The following DLC1 variants were observed in gnomAD, a reference collection of about 807,000 sequenced individuals.
The protein encoded by DLC1 is rho GTPase-activating protein 7.
A neutral mutation model predicts 140.3 loss-of-function variants in DLC1; 54 were observed. The observed-to-expected ratio is 0.38, with a 90% confidence interval of 0.31 to 0.48. The LOEUF (loss-of-function observed/expected upper bound fraction) is 0.48, where lower values mean the gene tolerates loss of function less well. Among genes scored for constraint, DLC1 ranks in the 20% least tolerant of loss-of-function variants. The pLI, the probability that DLC1 is intolerant of heterozygous loss-of-function variation, is 0.96. For missense variants in DLC1, 2,536 were observed against 1,907.0 expected (o/e 1.33, Z -6.14); for synonymous variants, 986 against 728.1 (o/e 1.35, Z -5.70).
intron 1 of DLC1, among the ~76,000 whole-genome samples, chr8:13,546,728 G>C (rs1232895092): frequency 6.6e-6 from 1 of 152,110 alleles, no homozygotes; most frequent in Non-Finnish European, 1.5e-5. Flanking sequence ...CTTGCAACAA[G>C]CTCAATGTCT....
intron 5 of DLC1, among the ~76,000 whole-genome samples, chr8:13,121,901 T>A (rs1290854558): frequency 6.6e-6 from 1 of 152,154 alleles, no homozygotes; most frequent in African/African-American, 2.4e-5. Context: ...GGTATTCTGA[T>A]TCACTCAGTC....
chr8:13,426,501 C>G (rs1838588448), intron 2 of DLC1, among the ~76,000 whole-genome samples: 1 of 152,144 alleles, frequency 6.6e-6, no homozygotes, highest in Admixed American at 6.5e-5. Context: ...ACCCTTGACA[C>G]TCTAAATTCA....
At chr8:13,298,838 C>G (rs1482815210) in intron 5 of DLC1, among the ~76,000 whole-genome samples, 1 of 152,176 alleles carries the variant, frequency 6.6e-6, no homozygotes, top group African/African-American at 2.4e-5. Context: ...TGCAACAAAT[C>G]TGCACTTGTA....
intron 10 of DLC1, among the ~76,000 whole-genome samples, chr8:13,096,275 A>G (rs2128933743): frequency 6.6e-6 from 1 of 152,256 alleles, no homozygotes; most frequent in Admixed American, 6.5e-5. Flanking sequence ...GTTTGGTGGG[A>G]TGGGGGTGGG....
chr8:13,571,676 C>G (rs1804656554), intron 1 of DLC1, among the ~76,000 whole-genome samples: 1 of 152,182 alleles, frequency 6.6e-6, no homozygotes, highest in East Asian at 1.9e-4. Flanking sequence ...CACTGGCATA[C>G]AAGTATCTGT....
intron 1 of DLC1, among the ~76,000 whole-genome samples, chr8:13,561,122 CTT>C (rs10635763): frequency 3.2e-4 from 47 of 146,068 alleles, no homozygotes; most frequent in Admixed American, 6.1e-4. Context: ...AGTGTTTTTC[CTT>C]TTTTTTTTTT....
chr8:13,254,846 A>T (rs1482361173), intron 5 of DLC1, among the ~76,000 whole-genome samples: 4 of 152,226 alleles, frequency 2.6e-5, no homozygotes, highest in Non-Finnish European at 4.4e-5. Context: ...TTAGTTTAAC[A>T]AATACTCAGA....
intron 7 of DLC1, among the ~76,000 whole-genome samples, 192 bp downstream of exon 7, chr8:13,110,550 C>T (rs1585652025): frequency 6.6e-6 from 1 of 152,112 alleles, no homozygotes; most frequent in South Asian, 2.1e-4. Context: ...AGCGTGGATG[C>T]TATTTTAATG....
intron 1 of DLC1, among the ~76,000 whole-genome samples, chr8:13,563,683 C>T (rs572401789): frequency 6.6e-6 from 1 of 152,212 alleles, no homozygotes; most frequent in Non-Finnish European, 1.5e-5. Context: ...AATGTGCATA[C>T]ATTTTGACCC....
chr8:13,530,556 G>T (rs768625484), intron 1 of DLC1, among the ~76,000 whole-genome samples: 6 of 152,108 alleles, frequency 3.9e-5, no homozygotes, highest in African/African-American at 9.7e-5. Context: ...CCTTGAGCCA[G>T]ACCACATGCC....
intron 4 of DLC1, among the ~76,000 whole-genome samples, chr8:13,361,673 C>G (rs1462475973): frequency 2.6e-5 from 4 of 152,098 alleles, no homozygotes; most frequent in African/African-American, 7.2e-5. Context: ...TCCTATATTT[C>G]AAAGATAGGT....
At chr8:13,483,007 C>G (rs1321768505) in intron 2 of DLC1, among the ~76,000 whole-genome samples, 2 of 152,080 alleles carry the variant, frequency 1.3e-5, no homozygotes, top group African/African-American at 4.8e-5. Context: ...TTTCACAATT[C>G]TAGGGGCCAG....
At chr8:13,335,624 T>C (rs1833784089) in intron 4 of DLC1, among the ~76,000 whole-genome samples, 1 of 152,178 alleles carries the variant, frequency 6.6e-6, no homozygotes, top group African/African-American at 2.4e-5. Flanking sequence ...GTGGGCAAGC[T>C]GATGGAAACC....
At chr8:13,230,231 G>A (rs1157895264) in intron 5 of DLC1, among the ~76,000 whole-genome samples, 1 of 152,158 alleles carries the variant, frequency 6.6e-6, no homozygotes, top group East Asian at 1.9e-4. Flanking sequence ...GTGATTGTAG[G>A]ATATTTTCAT....
At chr8:13,207,931 A>G (rs997017832) in intron 5 of DLC1, among the ~76,000 whole-genome samples, 2 of 152,216 alleles carry the variant, frequency 1.3e-5, no homozygotes, top group African/African-American at 4.8e-5. Context: ...ATTTTAAAAC[A>G]GTTTGGAGGC....
At chr8:13,394,337 C>A (rs1281163014) in intron 3 of DLC1, among the ~76,000 whole-genome samples, 1 of 152,106 alleles carries the variant, frequency 6.6e-6, no homozygotes, top group Non-Finnish European at 1.5e-5. Context: ...AAGCAAAGTG[C>A]TGGTAATTGG....
chr8:13,560,206 C>A (rs6986670), intron 1 of DLC1, among the ~76,000 whole-genome samples: 2 of 151,786 alleles, frequency 1.3e-5, no homozygotes, highest in Non-Finnish European at 2.9e-5. Flanking sequence ...ATACTCAGAT[C>A]GAATAGTAGG....
chr8:13,422,628 T>G (rs958663587), intron 2 of DLC1, among the ~76,000 whole-genome samples: 3 of 152,172 alleles, frequency 2.0e-5, no homozygotes, highest in Admixed American at 6.5e-5. Context: ...ATTTGTCACT[T>G]CTTTCATTAG....
chr8:13,115,963 C>G (rs2128950934), intron 5 of DLC1, among the ~76,000 whole-genome samples: 1 of 152,262 alleles, frequency 6.6e-6, no homozygotes, highest in South Asian at 2.1e-4. Context: ...GAAAATAAGG[C>G]ATCATGAGAA....
Sources: allele counts gnomAD v4.1 joint callset (sites outside exome capture counted in the v4.1 genomes callset), GRCh38; gene constraint gnomAD v4.1.1; transcripts MANE v1.5; gene names NCBI Gene and HGNC (gene_info 2026-07-23, HGNC 2026-07-21).